The following TRAK1 variants were observed in gnomAD, a reference collection of about 807,000 sequenced individuals.
TRAK1 encodes trafficking kinesin-binding protein 1.
TRAK1 carries 33 observed loss-of-function variants against 92.1 expected under a neutral mutation model. The observed-to-expected ratio is 0.36, with a 90% CI of 0.27 to 0.48. The LOEUF (loss-of-function observed/expected upper bound fraction) is 0.48. TRAK1 is among the 20% of genes least tolerant of loss of function. The pLI is 0.99. For synonymous variants in TRAK1, 521 were observed against 517.3 expected (o/e 1.01, Z -0.10); for missense variants, 1,123 against 1,257.9 (o/e 0.89, Z 1.62).
intron 1 of TRAK1, among the ~76,000 whole-genome samples, chr3:42,069,114 A>G (rs957443809): frequency 6.6e-6 from 1 of 152,096 alleles, no homozygotes; most frequent in Non-Finnish European, 1.5e-5. Context: ...AGGTGGGTGC[A>G]TTACTTGAGC....
At chr3:42,074,183 A>G (rs1197296152) in intron 1 of TRAK1, among the ~76,000 whole-genome samples, 2 of 152,192 alleles carry the variant, frequency 1.3e-5, no homozygotes, top group African/African-American at 4.8e-5. Flanking sequence ...CATCCTAGGC[A>G]ATGTTTAGTC....
intron 3 of TRAK1, among the ~76,000 whole-genome samples, chr3:42,179,465 C>T (rs1209332839): frequency 6.6e-6 from 1 of 152,226 alleles, no homozygotes; most frequent in Non-Finnish European, 1.5e-5. Context: ...TGCTGTGGCT[C>T]ACCTGGGCTT....
chr3:42,127,637 A>G (rs1252543844), intron 2 of TRAK1, among the ~76,000 whole-genome samples: 4 of 152,194 alleles, frequency 2.6e-5, no homozygotes, highest in Non-Finnish European at 1.5e-5. Flanking sequence ...CTAGGAAATC[A>G]GGTGTGAGCC....
At chr3:42,080,392 GA>G (rs1704374892) in intron 1 of TRAK1, among the ~76,000 whole-genome samples, 1 of 152,110 alleles carries the variant, frequency 6.6e-6, no homozygotes, top group South Asian at 2.1e-4. Context: ...CTCTTTTGCT[GA>G]AAAATTGACC....
rs1207046480 is a variant in TRAK1, at chr3:42,125,691, T to C, written c.286+77T>C. ...TTAGCCATGGCCCCAAATAAGATCT[T>C]GTACTGGCTACCCTGTGATGTGGCT... is the stretch of plus-strand genomic sequence containing the variant. On this transcript the variant is annotated intron_variant, in intron 2 of 15. Transcript: ENST00000327628. 2.0e-6 allele frequency: 3 copies of C among 1,509,092 alleles called. No individual in the cohort carries two copies. The African/African-American group carries it at 4.1e-5, about 21-fold the overall frequency. The allele number at this position is 1,509,092 out of a possible 1,614,324, so 93.5% of individuals were successfully genotyped here.
At position 42,202,471 on chromosome 3, in the gene TRAK1, G is replaced by T. The variant is rs777713411; in HGVS notation, c.1463G>T (p.Gly488Val). The T allele has an allele frequency of 7.4e-6, 11 of 1,487,106 alleles. No individual in the cohort carries two copies. The allele number at this position is 1,487,106 out of a possible 1,614,324, so 92.1% of individuals were successfully genotyped here. A position where few individuals can be genotyped will look rare whatever the true frequency, so the allele number is the denominator to read the frequency against. The change falls in exon 13 of 16, where the codon GGC becomes GTC. Residue 488 changes from glycine (G) to valine (V), a missense_variant. Physicochemically the swap from Gly to Val is moderately radical, Grantham distance 109 (BLOSUM62 -3). Around this residue, in one of 3 missense-constraint regions of TRAK1, gnomAD observed 686 missense variants for 747.6 expected, o/e 0.92. Coordinates refer to ENST00000327628, the MANE Select transcript of TRAK1 (RefSeq NM_001042646.3). This position sits in a 1 kb window ranked among gnomAD's most constrained non-coding sequence, Gnocchi z 6.1. ...CGGAGTAAGAAGCCGGGGACGCCGG[G>T]CACCCCAGGCTCCCACGACCTGGAG... ...DERSKKPGTP[G>V]TPGSHDLETA...
chr3:42,082,798 G>A (rs115483516), upstream of TRAK1, among the ~76,000 whole-genome samples: 329 of 152,308 alleles, frequency 2.2e-3, no homozygotes, highest in African/African-American at 7.7e-3. Flanking sequence ...CTAAGTACAA[G>A]TTAAAGAAGG....
chr3:42,158,558 T>C (rs1225792894), intron 2 of TRAK1, among the ~76,000 whole-genome samples: 5 of 151,522 alleles, frequency 3.3e-5, no homozygotes, highest in African/African-American at 1.2e-4. Flanking sequence ...ACTCCCTGCC[T>C]GAATTTCTAC....
intron 1 of TRAK1, among the ~76,000 whole-genome samples, chr3:42,078,752 CA>C (rs748321736): frequency 0.018 from 891 of 49,562 alleles, 1 homozygote; most frequent in African/African-American, 0.043. Context: ...GATTCCATCT[CA>C]AAAAAAAAAA....
intron 14 of TRAK1, chr3:42,210,285 C>A: frequency 6.6e-7 from 1 of 1,516,014 alleles, no homozygotes; most frequent in Non-Finnish European, 8.8e-7. Context: ...TTGCACAGTT[C>A]TGTTTTTAAA....
At chr3:42,073,909 C>T (rs1392828991) in intron 1 of TRAK1, among the ~76,000 whole-genome samples, 1 of 152,130 alleles carries the variant, frequency 6.6e-6, no homozygotes, top group Non-Finnish European at 1.5e-5. Context: ...AGTTCAGACC[C>T]CATCATTGTC....
intron 1 of TRAK1, among the ~76,000 whole-genome samples, chr3:42,121,554 T>C (rs1477078307): frequency 1.3e-5 from 2 of 152,114 alleles, no homozygotes; most frequent in Non-Finnish European, 1.5e-5. Flanking sequence ...CCACTGCGCC[T>C]GGCCTCCTGG....
intron 1 of TRAK1, among the ~76,000 whole-genome samples, chr3:42,075,096 T>TC (rs1472637702): frequency 1.3e-5 from 2 of 152,128 alleles, no homozygotes; most frequent in African/African-American, 4.8e-5. Context: ...CTTTGACCAG[T>TC]CCACCACTGA....
At chr3:42,149,715 A>G in intron 2 of TRAK1, 2 of 1,327,882 alleles carry the variant, frequency 1.5e-6, no homozygotes, top group Non-Finnish European at 2.1e-6. Context: ...GGGAGGTACC[A>G]GAACTAGCAC....
rs115824435 is a variant in TRAK1, at chr3:42,123,591, C to T, written c.92-1829C>T. ...GTGAATGCTCATATGTAAGACTGGG[C>T]CTTTCTCCTTTAATTTTATCTTACC... On this transcript the variant is annotated intron_variant, in intron 1 of 15. Transcript: ENST00000327628. 2.8e-3 allele frequency among the ~76,000 whole-genome samples: 422 copies of T among 152,338 alleles called. 1 individual carries two copies. The highest frequency in any genetic ancestry group is 9.2e-3 in the African/African-American group (384 of 41,582).
intron 2 of TRAK1, among the ~76,000 whole-genome samples, chr3:42,144,349 C>G (rs1157013082): frequency 6.6e-6 from 1 of 152,030 alleles, no homozygotes; most frequent in African/African-American, 2.4e-5. Context: ...AGGCACTGTG[C>G]TAAGTGCTCT....
chr3:42,171,999 C>T (rs1702622453), intron 2 of TRAK1, among the ~76,000 whole-genome samples: 1 of 152,160 alleles, frequency 6.6e-6, no homozygotes, highest in Admixed American at 6.5e-5. Context: ...GCTGTGACAG[C>T]CCAGTCATAT....
chr3:42,015,656 G>C (rs928662986), intron 1 of TRAK1, among the ~76,000 whole-genome samples: 2 of 152,176 alleles, frequency 1.3e-5, no homozygotes, highest in African/African-American at 4.8e-5. Context: ...AATTTGGTAA[G>C]CTTTTTGAGC....
rs1029874466 is a variant in TRAK1 at position 42,202,372 on chromosome 3, G to T, written c.1428-64G>T. Reference sequence around the variant, plus strand: ...AACGTCCACCGCTGTGCATTGAGCAGTCGGGCCTCTGTGGCCTTGGAGCCC... The same window carrying T: ...AACGTCCACCGCTGTGCATTGAGCATTCGGGCCTCTGTGGCCTTGGAGCCC... On this transcript the variant is annotated intron_variant, in intron 12 of 15. Coordinates refer to ENST00000327628, the MANE Select transcript of TRAK1 (RefSeq NM_001042646.3). The surrounding 1 kb of genome is among the most constrained non-coding windows in gnomAD (Gnocchi z 6.1). The T allele has an allele frequency of 2.8e-6, 4 of 1,435,146 alleles. No homozygotes were observed. The East Asian group carries it at 7.2e-5, about 26-fold the overall frequency. The allele number at this position is 1,435,146 out of a possible 1,614,324, so 88.9% of individuals were successfully genotyped here. A position where few individuals can be genotyped will look rare whatever the true frequency, so the allele number is the denominator to read the frequency against.
Sources: gnomAD v4.1 joint callset for allele counts (sites outside exome capture counted in the v4.1 genomes callset) on GRCh38, gnomAD v4.1.1 for gene constraint, gnomAD v4.1.1 regional missense constraint, Gnocchi (gnomAD v3.1) non-coding constraint, MANE v1.5 for transcripts, NCBI Gene and HGNC (gene_info 2026-07-23, HGNC 2026-07-21) for gene names.